FAM167A: variants seen among roughly 807,000 people sequenced by gnomAD.
FAM167A encodes protein FAM167A.
In FAM167A, 23 loss-of-function variants were observed where a neutral mutation model predicts 14.9. The ratio of observed to expected loss-of-function variants is 1.55; its 90% CI spans 1.11 to 2.19. The LOEUF is 2.19. Among genes scored for constraint, FAM167A ranks in the 30% most tolerant of loss-of-function variants. The pLI is 0.00. For missense variants in FAM167A, 401 were observed against 281.5 expected (o/e 1.42, Z -3.04); for synonymous variants, 174 against 117.7 (o/e 1.48, Z -3.10).
chr8:11,455,479 AGTGGTTGCCCTGATGG>A (rs1171915304), intron 1 of FAM167A, among the ~76,000 whole-genome samples: 1 of 35,616 alleles, frequency 2.8e-5, no homozygotes, highest in Non-Finnish European at 5.4e-5. Context: ...GAGTGTGGGG[AGTGGTTGCCCTGATGG>A]GTGTGTGAGT....
chr8:11,454,847 G>A (rs1266757151), intron 1 of FAM167A, among the ~76,000 whole-genome samples: 3 of 152,172 alleles, frequency 2.0e-5, no homozygotes, highest in Admixed American at 1.3e-4. Flanking sequence ...CACTGACCAG[G>A]TGGCAGCCGA....
chr8:11,451,325 G>A (rs890104036), intron 1 of FAM167A, among the ~76,000 whole-genome samples: 9 of 152,324 alleles, frequency 5.9e-5, no homozygotes, highest in Middle Eastern at 3.4e-3. Context: ...GCTGGGCCCC[G>A]TGGGAAGCCA....
At chr8:11,428,355 G>T (rs992856116) in intron 2 of FAM167A, among the ~76,000 whole-genome samples, 10 of 152,206 alleles carry the variant, frequency 6.6e-5, no homozygotes, top group South Asian at 4.1e-4. Flanking sequence ...CTAGAAAGAG[G>T]GCTGACAGTA....
chr8:11,463,473 C>T (rs1399974688), intron 1 of FAM167A, among the ~76,000 whole-genome samples: 1 of 152,222 alleles, frequency 6.6e-6, no homozygotes, highest in Admixed American at 6.5e-5. Context: ...TGTGCCCAGC[C>T]AGCTCGCAGA....
Position 11,421,581 on chromosome 8 carries a change from T to G in FAM167A, c.*2792A>C. On this transcript the variant is annotated 3_prime_UTR_variant, in exon 3 of 3. Transcript: ENST00000284486. ...AAAAAATAAAAGTATAAATCGTCCA[T>G]TGATTATGTAATAGCACTTGGTATT... 1 of 396,772 alleles carries G rather than the reference T, an allele frequency of 2.5e-6. No individual in the cohort carries two copies. Among genetic ancestry groups the G allele is most frequent in the Non-Finnish European group, 4.4e-6 (1 of 225,230 alleles). 24.6% of individuals were successfully genotyped at this position (396,772 alleles called of 1,614,324 possible).
At chr8:11,436,148 G>C (rs1013213489) in intron 2 of FAM167A, among the ~76,000 whole-genome samples, 2 of 152,216 alleles carry the variant, frequency 1.3e-5, no homozygotes, top group Non-Finnish European at 2.9e-5. Context: ...GTTGGGTAGG[G>C]CTGTGTTATT....
intron 2 of FAM167A, among the ~76,000 whole-genome samples, chr8:11,443,077 C>G (rs1371858168): frequency 6.6e-6 from 1 of 152,254 alleles, no homozygotes; most frequent in Admixed American, 6.5e-5. Context: ...TGATGGCTGG[C>G]TCACCTGTGG....
intron 1 of FAM167A, among the ~76,000 whole-genome samples, chr8:11,473,999 G>A (rs1328654639): frequency 6.6e-6 from 1 of 152,046 alleles, no homozygotes; most frequent in Non-Finnish European, 1.5e-5. Flanking sequence ...TCAGCATCCT[G>A]AGTAGCTGGG....
intron 1 of FAM167A, among the ~76,000 whole-genome samples, chr8:11,447,393 G>C (rs1030592428): frequency 2.0e-5 from 3 of 152,188 alleles, no homozygotes; most frequent in Non-Finnish European, 2.9e-5. Context: ...ACCTTGGCCA[G>C]GCTGGTCTGG....
intron 1 of FAM167A, among the ~76,000 whole-genome samples, chr8:11,453,171 CCTA>C (rs1481887238): frequency 6.6e-6 from 1 of 152,212 alleles, no homozygotes; most frequent in Non-Finnish European, 1.5e-5. Flanking sequence ...TAATAACTTT[CCTA>C]CTAAGTAACT....
rs547801103 is a variant in FAM167A at position 11,443,437 on chromosome 8, A to G, written c.381+594T>C. ...GCCAACTCCTCCTCTGAGCCTCCTC[A>G]CCGAGCTTCTCCCCAGGCAGGACCC... On this transcript the variant is annotated intron_variant, in intron 2 of 2. Coordinates refer to ENST00000284486, the MANE Select transcript of FAM167A (RefSeq NM_053279.3). Among the ~76,000 whole-genome samples the G allele has an allele frequency of 6.6e-5, 10 of 152,168 alleles. No homozygotes were observed. In the East Asian group the frequency reaches 1.9e-3, roughly 29 times the overall value.
chr8:11,471,160 T>C (rs932610664), upstream of FAM167A, among the ~76,000 whole-genome samples: 1 of 150,490 alleles, frequency 6.6e-6, no homozygotes, highest in African/African-American at 2.4e-5. Context: ...GGCGGAGGAG[T>C]GGGCTTCAGC....
chr8:11,421,790 T>G lies in FAM167A; in HGVS notation c.*2583A>C. 2 of 398,878 alleles carry G rather than the reference T, an allele frequency of 5.0e-6. No individual in the cohort carries two copies. Among genetic ancestry groups the G allele is most frequent in the Non-Finnish European group, 8.8e-6 (2 of 226,078 alleles). The allele number at this position is 398,878 out of a possible 1,614,324, so 24.7% of individuals were successfully genotyped here. On this transcript the variant is annotated 3_prime_UTR_variant, in exon 3 of 3. Coordinates refer to ENST00000284486, the MANE Select transcript of FAM167A (RefSeq NM_053279.3). ...GGATGGCAGAGAGATGGATGGATAA[T>G]GAGTACAACTGCAAACAGCACTGTA...
At chr8:11,438,219 C>T (rs767719775) in intron 2 of FAM167A, 16 of 439,912 alleles carry the variant, frequency 3.6e-5, no homozygotes, top group Non-Finnish European at 5.9e-5. Flanking sequence ...CGGTGAGGTG[C>T]TGCTGTGGGG....
intron 2 of FAM167A, among the ~76,000 whole-genome samples, chr8:11,443,030 C>T (rs952875845): frequency 6.6e-6 from 1 of 152,226 alleles, no homozygotes; most frequent in African/African-American, 2.4e-5. Flanking sequence ...CCCAGCTGAC[C>T]CAAGAGCCAC....
intron 2 of FAM167A, among the ~76,000 whole-genome samples, chr8:11,432,440 T>C (rs1362059892): frequency 1.3e-5 from 2 of 152,186 alleles, no homozygotes; most frequent in African/African-American, 2.4e-5. Context: ...AAAGAAGACA[T>C]TTATGTAGCC....
chr8:11,452,582 C>G (rs961097110), intron 1 of FAM167A, among the ~76,000 whole-genome samples: 1 of 152,212 alleles, frequency 6.6e-6, no homozygotes, highest in East Asian at 1.9e-4. Flanking sequence ...TCCCTCCCTT[C>G]TCATCATCAG....
intron 1 of FAM167A, among the ~76,000 whole-genome samples, chr8:11,456,428 ATGAGT>A (rs1807311994): frequency 1.8e-3 from 33 of 18,276 alleles, no homozygotes; most frequent in Non-Finnish European, 2.0e-3. Context: ...TGCTGGGTGT[ATGAGT>A]GTGTGAGTGT....
At chr8:11,462,841 T>A (rs1254065691) in intron 1 of FAM167A, among the ~76,000 whole-genome samples, 1 of 152,218 alleles carries the variant, frequency 6.6e-6, no homozygotes, top group Non-Finnish European at 1.5e-5. Context: ...TTATCTCTGG[T>A]CAGCATTGGG....
Sources: gnomAD v4.1 joint callset for allele counts (sites outside exome capture counted in the v4.1 genomes callset) on GRCh38, gnomAD v4.1.1 for gene constraint, MANE v1.5 for transcripts, NCBI Gene and HGNC (gene_info 2026-07-23, HGNC 2026-07-21) for gene names.